Variants in JPH2 observed in about 807,000 individuals in gnomAD.
JPH2 encodes the protein junctophilin 2, also known as junctophilin-2.
Under a neutral mutation model 55.9 loss-of-function variants are expected in JPH2, and 38 were observed. The observed-to-expected ratio is 0.68, with a 90% CI of 0.52 to 0.89. The LOEUF is 0.89. JPH2 is among the 40% of genes least tolerant of loss of function. The pLI, the probability that JPH2 is intolerant of heterozygous loss-of-function variation, is 0.00. For missense variants in JPH2, 964 were observed against 1,037.6 expected (o/e 0.93, Z 0.97); for synonymous variants, 480 against 472.4 (o/e 1.02, Z -0.21).
rs762310373 is a variant in JPH2, at chr20:44,116,068, G to C, written c.1607C>G (p.Ala536Gly). 3 of 1,540,208 alleles carry C rather than the reference G, an allele frequency of 1.9e-6. No individual in the cohort carries two copies. The Admixed American group carries it at 5.8e-5, about 30-fold the overall frequency. The stretch of plus-strand genomic sequence containing the variant: ...GGCCATGCGCTCGGTGGCTGGACGC[G>C]CGGGGCTGCGGCGGCCCGCGCCCTC... ...PSEGAGRRSP[A>G]RPATERMAIE... The change falls in exon 4 of 6, where the codon GCG becomes GGG. Residue 536 changes from alanine (A) to glycine (G), a missense_variant. Ala to Gly is a moderately conservative substitution (Grantham distance 60). Coordinates refer to ENST00000372980, the MANE Select transcript of JPH2 (RefSeq NM_020433.5).
chr20:44,157,131 G>A (rs747051302), intron 2 of JPH2, among the ~76,000 whole-genome samples: 2 of 152,062 alleles, frequency 1.3e-5, no homozygotes, highest in East Asian at 1.9e-4. Flanking sequence ...TCTGGTGTCC[G>A]ACACTGTAGT....
chr20:44,127,509 G>A (rs1484154435), intron 2 of JPH2, among the ~76,000 whole-genome samples: 4 of 144,838 alleles, frequency 2.8e-5, no homozygotes, highest in East Asian at 2.0e-4. Flanking sequence ...TTTTGGAAAC[G>A]GAGTCTCGCT....
chr20:44,171,908 C>T (rs954994606), intron 1 of JPH2, among the ~76,000 whole-genome samples: 1 of 152,196 alleles, frequency 6.6e-6, no homozygotes, highest in South Asian at 2.1e-4. Context: ...AGGTCTGACT[C>T]GCCCACCACA....
intron 1 of JPH2, among the ~76,000 whole-genome samples, chr20:44,181,181 G>A (rs917013454): frequency 2.0e-4 from 31 of 152,218 alleles, no homozygotes; most frequent in African/African-American, 6.7e-4. Flanking sequence ...AGGACAGGGA[G>A]GGGTCGGCGA....
At chr20:44,117,199 AACC>A (rs957537170) in intron 3 of JPH2, among the ~76,000 whole-genome samples, 175 of 152,316 alleles carry the variant, frequency 1.1e-3, no homozygotes, top group African/African-American at 4.0e-3. Context: ...GAATTGCTTG[AACC>A]AGGGAGTCGG....
intron 2 of JPH2, among the ~76,000 whole-genome samples, chr20:44,120,989 C>A (rs1376878569): frequency 6.6e-6 from 1 of 152,080 alleles, no homozygotes; most frequent in Non-Finnish European, 1.5e-5. Context: ...AGTAAACAGA[C>A]ACAAAAACTA....
Position 44,186,922 on chromosome 20 carries a change from C to T in JPH2, c.-217G>A. The stretch of plus-strand genomic sequence containing the variant: ...TCAGTGCCATGCCCGGGAGCCCCGA[C>T]TCCACCAGCCAGAGCAAGGCTGCCT... On this transcript the variant is annotated 5_prime_UTR_variant, in exon 1 of 6. Coordinates refer to ENST00000372980, the MANE Select transcript of JPH2 (RefSeq NM_020433.5). The T allele has an allele frequency of 1.7e-6, 1 of 598,340 alleles. No individual in the cohort carries two copies. Among genetic ancestry groups the T allele is most frequent in the Non-Finnish European group, 3.0e-6 (1 of 336,458 alleles). 37.1% of individuals were successfully genotyped at this position (598,340 alleles called of 1,614,324 possible). A position where few individuals can be genotyped will look rare whatever the true frequency, so the allele number is the denominator to read the frequency against.
At chr20:44,182,361 T>A (rs2072791605) in intron 1 of JPH2, among the ~76,000 whole-genome samples, 4 of 152,180 alleles carry the variant, frequency 2.6e-5, no homozygotes, top group African/African-American at 7.2e-5. Context: ...GGAAAGAGAA[T>A]CTGTGAGGTT....
chr20:44,177,393 G>A lies in JPH2; in HGVS notation c.379+8934C>T, dbSNP rs1003057573. The A allele has an allele frequency of 6.0e-5, 59 of 987,490 alleles. No homozygotes were observed. In the African/African-American group the frequency reaches 8.7e-4, roughly 15 times the overall value. The allele number at this position is 987,490 out of a possible 1,614,324, so 61.2% of individuals were successfully genotyped here. ...GCAGGTCCCGGAAACAAGCAAGCTC[G>A]ATGAATCCCAGAAGCCTGGCCTCGG... On this transcript the variant is annotated intron_variant, in intron 1 of 5. Coordinates refer to ENST00000372980, the MANE Select transcript of JPH2 (RefSeq NM_020433.5).
intron 2 of JPH2, among the ~76,000 whole-genome samples, chr20:44,134,880 AT>A (rs1569195785): frequency 4.3e-4 from 20 of 46,282 alleles, no homozygotes; most frequent in South Asian, 1.3e-3. Context: ...ATATATTTAT[AT>A]ATATATTAAT....
In JPH2 at chr20:44,168,949, A is replaced by T. The variant is rs537608088; in HGVS notation, c.380-8542T>A. On this transcript the variant is annotated intron_variant, in intron 1 of 5. Coordinates refer to ENST00000372980, the MANE Select transcript of JPH2 (RefSeq NM_020433.5). ...GTGAGTTTCTGCTCTGTTAATTCCCACAAGAGCTGGTTGTTACAAAGAGCC... is the reference window on the plus strand; with the variant it reads ...GTGAGTTTCTGCTCTGTTAATTCCCTCAAGAGCTGGTTGTTACAAAGAGCC... Among the ~76,000 whole-genome samples the T allele has an allele frequency of 5.9e-5, 9 of 152,122 alleles. No homozygotes were observed. In the South Asian group the frequency reaches 1.0e-3, roughly 18 times the overall value.
In JPH2 at chr20:44,160,381, C is replaced by T. The variant is rs767281714; in HGVS notation, c.406G>A (p.Gly136Ser). 2.5e-6 allele frequency: 4 copies of T among 1,608,390 alleles called. No homozygotes were observed. The highest frequency in any genetic ancestry group is 2.7e-5 in the African/African-American group (2 of 74,846). The change falls in exon 2 of 6, where the codon GGC (glycine) becomes AGC (serine). Residue 136 changes from glycine (G) to serine (S), a missense_variant. Physicochemically the swap from Gly to Ser is moderately conservative, Grantham distance 56 (BLOSUM62 0). Coordinates refer to ENST00000372980, the MANE Select transcript of JPH2 (RefSeq NM_020433.5). This position sits in a 1 kb window ranked among gnomAD's most constrained non-coding sequence, Gnocchi z 4.9. ...CGTACTCCGTAGCCATGGCGCATGC[C>T]GTTGGTGAACTGGCCTTGGTACGTC... ...GGTYQGQFTNGMRHGYGVRQS... is the reference protein window; with the variant it reads ...GGTYQGQFTNSMRHGYGVRQS...
chr20:44,135,170 T>C (rs2145858544), intron 2 of JPH2, among the ~76,000 whole-genome samples: 1 of 151,894 alleles, frequency 6.6e-6, no homozygotes, highest in East Asian at 1.9e-4. Flanking sequence ...CCCCATCTAG[T>C]CCAGAAACCT....
intron 1 of JPH2, among the ~76,000 whole-genome samples, chr20:44,171,998 C>A (rs562008388): frequency 3.9e-5 from 6 of 152,196 alleles, no homozygotes; most frequent in Non-Finnish European, 8.8e-5. Context: ...TAAGCACAGG[C>A]TTTGAATAAG....
intron 2 of JPH2, among the ~76,000 whole-genome samples, chr20:44,130,372 C>T (rs2072309074): frequency 6.6e-6 from 1 of 152,252 alleles, no homozygotes; most frequent in Admixed American, 6.5e-5. Context: ...CCTGATATTC[C>T]TGCTGCCTGT....
intron 2 of JPH2, among the ~76,000 whole-genome samples, chr20:44,135,302 T>TG (rs2072402279): frequency 6.6e-6 from 1 of 152,142 alleles, no homozygotes; most frequent in Non-Finnish European, 1.5e-5. Flanking sequence ...ACTTAGCTCC[T>TG]GCCAACCTCT....
intron 2 of JPH2, among the ~76,000 whole-genome samples, chr20:44,126,188 A>AAGGAAGGAAGGAAGGGAGGG (rs796524844): frequency 5.2e-5 from 5 of 95,738 alleles, no homozygotes; most frequent in African/African-American, 2.0e-4. Context: ...GGAAGGAAGG[A>AAGGAAGGAAGGAAGGGAGGG]AGGGAGGAAG....
rs2072388345 is a variant in JPH2, at chr20:44,134,697, AT to A, written c.1170-16075del. On this transcript the variant is annotated intron_variant, in intron 2 of 5. Transcript: ENST00000372980. Reference sequence around the variant, plus strand: ...ATATTTATAAATATTATAAATATATATACATTAATATATATTATAAATATAT... The same window carrying A: ...ATATTTATAAATATTATAAATATATAACATTAATATATATTATAAATATAT... Among the ~76,000 whole-genome samples the A allele has an allele frequency of 1.2e-4, 8 of 67,312 alleles. 1 individual carries two copies. Among genetic ancestry groups the A allele is most frequent in the Admixed American group, 8.3e-4 (3 of 3,598 alleles). 44.2% of individuals were successfully genotyped at this position (67,312 alleles called of 152,430 possible).
At chr20:44,161,214 C>A (rs2145880415) in intron 1 of JPH2, among the ~76,000 whole-genome samples, 1 of 152,212 alleles carries the variant, frequency 6.6e-6, no homozygotes, top group East Asian at 1.9e-4. Flanking sequence ...TGCCAAAGAA[C>A]AAAGTAATAT....
Sources: allele counts gnomAD v4.1 joint callset (sites outside exome capture counted in the v4.1 genomes callset), GRCh38; gene constraint gnomAD v4.1.1; non-coding constraint Gnocchi (gnomAD v3.1); transcripts MANE v1.5; gene names NCBI Gene and HGNC (gene_info 2026-07-23, HGNC 2026-07-21).